The following DIXDC1 variants were observed in gnomAD, a reference collection of about 807,000 sequenced individuals.
DIXDC1 encodes the protein DIX domain containing 1.
Under a neutral mutation model 103.1 loss-of-function variants are expected in DIXDC1, and 64 were observed. The ratio of observed to expected loss-of-function variants is 0.62; its 90% CI spans 0.51 to 0.76. The LOEUF (loss-of-function observed/expected upper bound fraction) is 0.76, where lower values mean the gene tolerates loss of function less well. Among genes scored for constraint, DIXDC1 ranks in the 30% least tolerant of loss-of-function variants. DIXDC1 has a pLI of 0.00. For missense variants in DIXDC1, 759 were observed against 834.2 expected (o/e 0.91, Z 1.11); for synonymous variants, 266 against 298.5 (o/e 0.89, Z 1.12).
chr11:111,983,488 T>C (rs781937301), intron 7 of DIXDC1, among the ~76,000 whole-genome samples: 30 of 152,338 alleles, frequency 2.0e-4, no homozygotes, highest in East Asian at 5.8e-4. Context: ...ATTTTTAAAA[T>C]GGCTGGCTTA....
At chr11:112,011,114 TCAAA>T (rs1382375300) in intron 17 of DIXDC1, among the ~76,000 whole-genome samples, 11 of 151,678 alleles carry the variant, frequency 7.3e-5, no homozygotes, top group Non-Finnish European at 1.2e-4. Flanking sequence ...AAGAAAAAAA[TCAAA>T]CAACCCCATC....
intron 1 of DIXDC1, among the ~76,000 whole-genome samples, chr11:111,939,419 G>T (rs191342690): frequency 2.0e-5 from 3 of 152,252 alleles, no homozygotes; most frequent in Admixed American, 2.0e-4. Flanking sequence ...AACAACAGAT[G>T]CATAACTTTT....
chr11:111,995,611 G>C, intron 16 of DIXDC1, 47 bp downstream of exon 16: 1 of 1,602,736 alleles, frequency 6.2e-7, no homozygotes, highest in South Asian at 1.1e-5. Flanking sequence ...TCCTGAGAAA[G>C]CTGGGTTTTA....
chr11:112,017,916 T>C lies in DIXDC1; in HGVS notation c.1971+31T>C. 2 of 1,547,652 alleles carry C rather than the reference T, an allele frequency of 1.3e-6. No individual in the cohort carries two copies. Among genetic ancestry groups the C allele is most frequent in the Non-Finnish European group, 1.8e-6 (2 of 1,133,958 alleles). Reference sequence around the variant, plus strand: ...GAATCTGTGGGGAGTCTGTATGGTATTATTGGTCCTTTCTGAACCCTGAAG... The same window carrying C: ...GAATCTGTGGGGAGTCTGTATGGTACTATTGGTCCTTTCTGAACCCTGAAG... On this transcript the variant is annotated intron_variant, in intron 19 of 19. Coordinates refer to ENST00000440460, the MANE Select transcript of DIXDC1 (RefSeq NM_001037954.4). This position sits in a 1 kb window ranked among gnomAD's most constrained non-coding sequence, Gnocchi z 4.0.
chr11:111,953,420 T>C lies in DIXDC1; in HGVS notation c.61-11129T>C, dbSNP rs587746584. On this transcript the variant is annotated intron_variant, in intron 1 of 19. Coordinates refer to ENST00000440460, the MANE Select transcript of DIXDC1 (RefSeq NM_001037954.4). ...GGGAGGCCGAGGTGGGCGGATCACCTGAGGTCAGGAGTTTGAGACCAGCCT... is the reference window on the plus strand; with the variant it reads ...GGGAGGCCGAGGTGGGCGGATCACCCGAGGTCAGGAGTTTGAGACCAGCCT... Among the ~76,000 whole-genome samples the C allele has an allele frequency of 2.6e-5, 4 of 152,276 alleles. No homozygotes were observed. The East Asian group carries it at 7.7e-4, about 29-fold the overall frequency.
chr11:111,989,189 G>A (rs1555174229), intron 10 of DIXDC1, 134 bp downstream of exon 10: 2 of 651,412 alleles, frequency 3.1e-6, no homozygotes, highest in Non-Finnish European at 5.0e-6. Flanking sequence ...GGGCTTTGTG[G>A]GAGGGAAGTG....
chr11:111,974,613 G>C (rs1159370014), intron 4 of DIXDC1, among the ~76,000 whole-genome samples: 1 of 152,186 alleles, frequency 6.6e-6, no homozygotes, highest in Non-Finnish European at 1.5e-5. Flanking sequence ...CAAAGGTCAG[G>C]TTGTCTTGGG....
At chr11:111,952,632 C>G (rs1280264937) in intron 1 of DIXDC1, among the ~76,000 whole-genome samples, 1 of 152,034 alleles carries the variant, frequency 6.6e-6, no homozygotes, top group African/African-American at 2.4e-5. Context: ...ACCAGCCTGA[C>G]CAACATGGTG....
rs373227648 is a variant in DIXDC1 at position 112,019,092 on chromosome 11, T to G, written c.*56T>G. 6.7e-7 allele frequency: 1 copy of G among 1,484,686 alleles called. No homozygotes were observed. Among genetic ancestry groups the G allele is most frequent in the African/African-American group, 1.4e-5 (1 of 71,650 alleles). The allele number at this position is 1,484,686 out of a possible 1,614,324, so 92.0% of individuals were successfully genotyped here. A position where few individuals can be genotyped will look rare whatever the true frequency, so the allele number is the denominator to read the frequency against. ...CCTGGTCACTCCCTGGCTGCTTCAC[T>G]CAGGAAAGGGAACTAAAACCAGAAT... is the stretch of plus-strand genomic sequence containing the variant. On this transcript the variant is annotated 3_prime_UTR_variant, in exon 20 of 20. Transcript: ENST00000440460.
chr11:111,965,422 C>G (rs1009352069), intron 2 of DIXDC1, among the ~76,000 whole-genome samples: 4 of 152,150 alleles, frequency 2.6e-5, no homozygotes, highest in African/African-American at 7.2e-5. Context: ...AATAGGTTCT[C>G]AAACATTTAT....
chr11:111,965,834 GC>G (rs1480523545), intron 2 of DIXDC1, among the ~76,000 whole-genome samples: 11 of 152,082 alleles, frequency 7.2e-5, no homozygotes, highest in Non-Finnish European at 2.9e-5. Flanking sequence ...ATTTTATGAG[GC>G]TTAGAGAGGC....
intron 3 of DIXDC1, among the ~76,000 whole-genome samples, chr11:111,969,398 C>T (rs1859839160): frequency 6.6e-6 from 1 of 152,118 alleles, no homozygotes; most frequent in Non-Finnish European, 1.5e-5. Context: ...TTAAGATACT[C>T]ATAACCTACA....
intron 5 of DIXDC1, among the ~76,000 whole-genome samples, chr11:111,980,340 A>G (rs587631471): frequency 3.3e-5 from 5 of 152,340 alleles, no homozygotes; most frequent in African/African-American, 4.8e-5. Context: ...TCCAAAAGCT[A>G]CTAGACACAG....
Position 112,020,040 on chromosome 11 carries a change from T to C in DIXDC1, c.*1004T>C, listed in dbSNP as rs1199543826. 1 of 152,176 alleles carries C rather than the reference T, an allele frequency of 6.6e-6. No homozygotes were observed. The highest frequency in any genetic ancestry group is 1.5e-5 in the Non-Finnish European group (1 of 68,048). The allele number at this position is 152,176 out of a possible 1,614,324, so 9.4% of individuals were successfully genotyped here. A position where few individuals can be genotyped will look rare whatever the true frequency, so the allele number is the denominator to read the frequency against. On this transcript the variant is annotated 3_prime_UTR_variant, in exon 20 of 20. Transcript: ENST00000440460. ...CAAGGCCAGAGTTATTTTCTATTTA[T>C]GTATTAGTCTAGGCTGATCTTTTAG...
chr11:112,008,131 C>CAAAAAAAAAAA (rs782037838), intron 17 of DIXDC1, among the ~76,000 whole-genome samples: 2 of 52,228 alleles, frequency 3.8e-5, no homozygotes, highest in African/African-American at 5.2e-5. Flanking sequence ...AAATGCAAAG[C>CAAAAAAAAAAA]AAAAAAAAAA....
intron 1 of DIXDC1, among the ~76,000 whole-genome samples, chr11:111,961,782 T>G (rs1859587029): frequency 6.6e-6 from 1 of 152,240 alleles, no homozygotes; most frequent in Admixed American, 6.5e-5. Flanking sequence ...TGATAAAATG[T>G]GACAAATGAT....
intron 1 of DIXDC1, among the ~76,000 whole-genome samples, chr11:111,946,201 T>C (rs1210935793): frequency 1.3e-5 from 2 of 151,764 alleles, no homozygotes; most frequent in East Asian, 1.9e-4. Flanking sequence ...CTCCGCCTCC[T>C]GGGTTCCCGC....
chr11:111,975,684 AT>A, intron 5 of DIXDC1: 1 of 985,680 alleles, frequency 1.0e-6, no homozygotes. Context: ...CTGAATCATA[AT>A]TTATGCTCTA....
chr11:111,993,716 C>G lies in DIXDC1; in HGVS notation c.1413C>G (p.His471Gln). The change falls in exon 14 of 20, where the codon CAC becomes CAG. Residue 471 changes from histidine (H) to glutamine (Q), a missense_variant. His to Gln is a conservative substitution (Grantham distance 24). This residue lies in a region of DIXDC1 where 657 missense variants were observed against 727.5 expected (regional missense o/e 0.90). Transcript: ENST00000440460. ...AACACAAAGATGTCCTCTTGGCTCACTGTATGAAAAGAGAGGCAGATGAGG... is the reference window on the plus strand; with the variant it reads ...AACACAAAGATGTCCTCTTGGCTCAGTGTATGAAAAGAGAGGCAGATGAGG... ...ELEHKDVLLA[H>Q]CMKREADEAT... The G allele has an allele frequency of 6.2e-7, 1 of 1,614,012 alleles. No individual in the cohort carries two copies. Among genetic ancestry groups the G allele is most frequent in the Non-Finnish European group, 8.5e-7 (1 of 1,179,894 alleles).
Sources: allele counts gnomAD v4.1 joint callset (sites outside exome capture counted in the v4.1 genomes callset), GRCh38; gene constraint gnomAD v4.1.1; regional missense constraint gnomAD v4.1.1; non-coding constraint Gnocchi (gnomAD v3.1); transcripts MANE v1.5; gene names NCBI Gene and HGNC (gene_info 2026-07-23, HGNC 2026-07-21).